The following GALNT10 variants were observed in gnomAD, a reference collection of about 807,000 sequenced individuals.
GALNT10 encodes GalNAc transferase 10.
In GALNT10, 41 loss-of-function variants were observed where a neutral mutation model predicts 75.0. The ratio of observed to expected loss-of-function variants is 0.55; its 90% confidence interval spans 0.43 to 0.71. GALNT10 has a LOEUF of 0.71. Ranked by LOEUF, GALNT10 falls within the 30% of genes least tolerant of loss-of-function variation. GALNT10 has a pLI of 0.00. For synonymous variants in GALNT10, 302 were observed against 313.0 expected, an observed-to-expected ratio of 0.96 and a Z score of 0.37; for missense variants, 727 against 818.5, an observed-to-expected ratio of 0.89 and a Z score of 1.36.
At chr5:154,245,989 T>G (rs1443245824) in intron 1 of GALNT10, among the ~76,000 whole-genome samples, 1 of 145,100 alleles carries the variant, frequency 6.9e-6, no homozygotes, top group Non-Finnish European at 1.5e-5. Flanking sequence ...CCCCAGAGTG[T>G]GATGTTCCCC....
intron 1 of GALNT10, among the ~76,000 whole-genome samples, chr5:154,195,258 A>G (rs1434700294): frequency 6.6e-6 from 1 of 152,230 alleles, no homozygotes; most frequent in Non-Finnish European, 1.5e-5. Flanking sequence ...TGGCAGCTAA[A>G]TGCTCCTGAC....
chr5:154,364,275 A>G (rs144120253), intron 4 of GALNT10, among the ~76,000 whole-genome samples: 4 of 152,356 alleles, frequency 2.6e-5, no homozygotes, highest in Admixed American at 2.6e-4. Context: ...GGTTCTGGCC[A>G]TCCTGAGAAG....
intron 1 of GALNT10, among the ~76,000 whole-genome samples, chr5:154,215,299 A>G (rs1052839327): frequency 1.3e-5 from 2 of 152,100 alleles, no homozygotes; most frequent in African/African-American, 2.4e-5. Context: ...TAGCTAACAC[A>G]GTGAAACCCC....
chr5:154,195,913 GTTTTGT>G (rs1224341727), intron 1 of GALNT10, among the ~76,000 whole-genome samples: 3 of 152,026 alleles, frequency 2.0e-5, no homozygotes, highest in South Asian at 4.2e-4. Context: ...ATTTTATAGT[GTTTTGT>G]TTTTGTTTTT....
At chr5:154,290,258 A>ATTTTTTTTTTTTTTTT (rs71577131) in intron 1 of GALNT10, among the ~76,000 whole-genome samples, 51 of 98,902 alleles carry the variant, frequency 5.2e-4, no homozygotes, top group Middle Eastern at 8.3e-3. Context: ...CACTCAGCTA[A>ATTTTTTTTTTTTTTTT]TTTTTTTTTT....
intron 1 of GALNT10, among the ~76,000 whole-genome samples, chr5:154,210,641 C>T (rs1424005018): frequency 2.6e-5 from 4 of 152,178 alleles, no homozygotes. Context: ...CCGTTTTCCC[C>T]CCAACTATTT....
chr5:154,356,932 T>C (rs1023016439), intron 4 of GALNT10, among the ~76,000 whole-genome samples: 4 of 152,244 alleles, frequency 2.6e-5, no homozygotes, highest in Admixed American at 6.5e-5. Flanking sequence ...ATTTTGATTT[T>C]TAGTGTCTTA....
At chr5:154,251,676 GTCT>G (rs1753525398) in intron 1 of GALNT10, among the ~76,000 whole-genome samples, 1 of 152,126 alleles carries the variant, frequency 6.6e-6, no homozygotes, top group Non-Finnish European at 1.5e-5. Flanking sequence ...GACCTCAGTA[GTCT>G]TTGATGACTG....
intron 4 of GALNT10, chr5:154,337,813 A>G: frequency 1.0e-6 from 1 of 990,004 alleles, no homozygotes; most frequent in Non-Finnish European, 1.6e-6. Flanking sequence ...CCACCTCCAC[A>G]ACCACCACCA....
intron 7 of GALNT10, among the ~76,000 whole-genome samples, chr5:154,398,861 C>T (rs1024838184): frequency 1.8e-4 from 28 of 152,196 alleles, no homozygotes; most frequent in Non-Finnish European, 5.9e-5. Context: ...TCAGTCTCTC[C>T]ATTTGGGAAA....
chr5:154,411,767 C>T (rs1756402526), intron 9 of GALNT10, among the ~76,000 whole-genome samples: 1 of 152,164 alleles, frequency 6.6e-6, no homozygotes, highest in African/African-American at 2.4e-5. Context: ...TCAAGTCCTC[C>T]AAGAAGCAGA....
intron 7 of GALNT10, among the ~76,000 whole-genome samples, chr5:154,396,186 A>G (rs549039799): frequency 1.3e-5 from 2 of 151,232 alleles, no homozygotes; most frequent in Admixed American, 6.6e-5. Context: ...AAACCTGACC[A>G]ATGACCAGAT....
chr5:154,255,817 C>A (rs1753599101), intron 1 of GALNT10, among the ~76,000 whole-genome samples: 1 of 151,884 alleles, frequency 6.6e-6, no homozygotes, highest in African/African-American at 2.4e-5. Flanking sequence ...CTAACCTTAC[C>A]CTGCAGGAAG....
intron 7 of GALNT10, chr5:154,387,300 A>G (rs959080895): frequency 1.3e-5 from 2 of 152,322 alleles, no homozygotes; most frequent in African/African-American, 4.8e-5. Context: ...CTTGTTCTCA[A>G]GTGAAAGCTT....
chr5:154,408,872 C>T (rs1051901563), intron 8 of GALNT10, among the ~76,000 whole-genome samples: 4 of 152,084 alleles, frequency 2.6e-5, no homozygotes, highest in African/African-American at 9.7e-5. Flanking sequence ...CTGGAAAGTC[C>T]AAGGTAGCTC....
At chr5:154,393,069 A>AAAAAC (rs1755940681) in intron 7 of GALNT10, 1 of 148,858 alleles carries the variant, frequency 6.7e-6, no homozygotes, top group African/African-American at 2.5e-5. Context: ...AAAAAAAAAA[A>AAAAAC]AAAAAAAAAC....
intron 1 of GALNT10, among the ~76,000 whole-genome samples, chr5:154,202,186 C>A (rs1215775392): frequency 6.6e-6 from 1 of 152,164 alleles, no homozygotes; most frequent in African/African-American, 2.4e-5. Flanking sequence ...GCTTAGGTCC[C>A]CCCAGAGGCA....
chr5:154,278,571 T>C (rs1416352700), intron 1 of GALNT10, among the ~76,000 whole-genome samples: 1 of 152,230 alleles, frequency 6.6e-6, no homozygotes, highest in African/African-American at 2.4e-5. Context: ...ATGAATATAA[T>C]AGTTGTCATT....
chr5:154,384,698 G>C (rs1189743910), intron 6 of GALNT10, among the ~76,000 whole-genome samples: 2 of 152,218 alleles, frequency 1.3e-5, no homozygotes, highest in Non-Finnish European at 2.9e-5. Context: ...CCTGTTCTTT[G>C]CATGCATCAC....
Sources: allele counts gnomAD v4.1 joint callset (sites outside exome capture counted in the v4.1 genomes callset), GRCh38; gene constraint gnomAD v4.1.1; transcripts MANE v1.5; gene names NCBI Gene and HGNC (gene_info 2026-07-23, HGNC 2026-07-21).